The following FBXW7 variants were observed in gnomAD, a reference collection of about 807,000 sequenced individuals.
FBXW7 encodes F-box and WD repeat domain containing 7, also known as F-box/WD repeat-containing protein 7.
FBXW7 carries 11 observed loss-of-function variants against 86.3 expected under a neutral mutation model. The ratio of observed to expected loss-of-function variants is 0.13; its 90% CI spans 0.08 to 0.21. The LOEUF (loss-of-function observed/expected upper bound fraction) is 0.21, where lower values mean the gene tolerates loss of function less well. Among genes scored for constraint, FBXW7 ranks in the 10% least tolerant of loss-of-function variants. The pLI is 1.00. For missense variants in FBXW7, 488 were observed against 847.4 expected (o/e 0.58, Z 5.27); for synonymous variants, 313 against 297.9 (o/e 1.05, Z -0.52).
At chr4:152,483,718 CA>C (rs745561560) in intron 2 of FBXW7, among the ~76,000 whole-genome samples, 3 of 150,064 alleles carry the variant, frequency 2.0e-5, no homozygotes, top group East Asian at 3.9e-4. Context: ...AAACAAAAAA[CA>C]AAAAAAAACC....
In FBXW7 at chr4:152,389,257, A is replaced by G. The variant is rs559933151; in HGVS notation, c.501+22046T>C. Among the ~76,000 whole-genome samples the G allele has an allele frequency of 3.3e-5, 5 of 152,262 alleles. No individual in the cohort carries two copies. In the East Asian group the frequency reaches 9.6e-4, roughly 29 times the overall value. On this transcript the variant is annotated intron_variant, in intron 4 of 13. Transcript: ENST00000281708. ...TCAGAGAACTAATAATAGAACTATC[A>G]TTTGATCCAGCAATCCCACTACTGG...
intron 2 of FBXW7, among the ~76,000 whole-genome samples, chr4:152,458,738 GAACT>G (rs1250297303): frequency 6.6e-6 from 1 of 152,132 alleles, no homozygotes; most frequent in African/African-American, 2.4e-5. Context: ...TATTAAGAGT[GAACT>G]AACTTACTTC....
intron 6 of FBXW7, among the ~76,000 whole-genome samples, chr4:152,342,115 G>T (rs1370072271): frequency 6.6e-6 from 1 of 152,142 alleles, no homozygotes; most frequent in African/African-American, 2.4e-5. Context: ...TTGAAAGGGA[G>T]AGGAAAAACA....
Position 152,322,860 on chromosome 4 carries a change from C to T in FBXW7, c.*21G>A, listed in dbSNP as rs1578865651. On this transcript the variant is annotated 3_prime_UTR_variant, in exon 14 of 14. Coordinates refer to ENST00000281708, the MANE Select transcript of FBXW7 (RefSeq NM_001349798.2). ...GGAGTATATCGTCTACACAATTGGA[C>T]AAATTCATCTTTTCTGCTCTTCACT... 1.2e-6 allele frequency: 2 copies of T among 1,612,136 alleles called. No homozygotes were observed. The highest frequency in any genetic ancestry group is 1.3e-5 in the African/African-American group (1 of 74,908).
chr4:152,454,196 T>A (rs2149615498), intron 2 of FBXW7, among the ~76,000 whole-genome samples: 1 of 151,866 alleles, frequency 6.6e-6, no homozygotes, highest in African/African-American at 2.4e-5. Flanking sequence ...CTACCCTTTG[T>A]ATATAACTAT....
intron 2 of FBXW7, among the ~76,000 whole-genome samples, chr4:152,489,107 A>G (rs1745610932): frequency 6.6e-6 from 1 of 152,100 alleles, no homozygotes; most frequent in African/African-American, 2.4e-5. Context: ...GCACGTATAG[A>G]AACACAGATG....
rs897821723 is a variant in FBXW7 at position 152,410,343 on chromosome 4, G to T, written c.501+960C>A. Reference sequence around the variant, plus strand: ...AAAAGGTCTGAGCCTTAACAAAGTGGTGCTATAGTTGTTAGTGGTAGAGCC... The same window carrying T: ...AAAAGGTCTGAGCCTTAACAAAGTGTTGCTATAGTTGTTAGTGGTAGAGCC... On this transcript the variant is annotated intron_variant, in intron 4 of 13. Transcript: ENST00000281708. Among the ~76,000 whole-genome samples the T allele has an allele frequency of 7.9e-5, 12 of 152,274 alleles. No individual in the cohort carries two copies. The East Asian group carries it at 2.3e-3, about 29-fold the overall frequency.
chr4:152,393,441 A>C (rs559086328), intron 4 of FBXW7, among the ~76,000 whole-genome samples: 14 of 152,278 alleles, frequency 9.2e-5, no homozygotes, highest in African/African-American at 3.4e-4. Context: ...TTTCTTTTCT[A>C]TACCAAGTAA....
intron 2 of FBXW7, among the ~76,000 whole-genome samples, chr4:152,515,444 G>C (rs955840527): frequency 6.6e-6 from 1 of 152,066 alleles, no homozygotes; most frequent in Non-Finnish European, 1.5e-5. Context: ...TTAAAATGGG[G>C]GGAAAAAAGC....
chr4:152,506,014 T>A (rs887621643), intron 2 of FBXW7, among the ~76,000 whole-genome samples: 1 of 152,170 alleles, frequency 6.6e-6, no homozygotes, highest in Non-Finnish European at 1.5e-5. Flanking sequence ...GTGAATTTAT[T>A]TTTTTAAAGT....
At chr4:152,457,931 C>A (rs1445542131) in intron 2 of FBXW7, among the ~76,000 whole-genome samples, 1 of 150,024 alleles carries the variant, frequency 6.7e-6, no homozygotes, top group African/African-American at 2.5e-5. Context: ...TCTTCCCCAC[C>A]CCTACTAAAA....
chr4:152,347,163 G>A (rs1731356319), intron 5 of FBXW7, 92 bp from the exon 6 acceptor site: 1 of 1,046,520 alleles, frequency 9.6e-7, no homozygotes, highest in Non-Finnish European at 1.4e-6. Context: ...ATAGATTCTA[G>A]TACAAAGAAT....
At chr4:152,510,633 C>T (rs1747876767) in intron 2 of FBXW7, among the ~76,000 whole-genome samples, 1 of 152,006 alleles carries the variant, frequency 6.6e-6, no homozygotes, top group Non-Finnish European at 1.5e-5. Context: ...TAACTAAAAA[C>T]ATATTGGGAA....
At chr4:152,341,668 T>G (rs1485987906) in intron 6 of FBXW7, among the ~76,000 whole-genome samples, 1 of 152,214 alleles carries the variant, frequency 6.6e-6, no homozygotes, top group African/African-American at 2.4e-5. Context: ...TTTCTATTCT[T>G]TATATTTGAT....
chr4:152,489,055 T>C (rs1228989924), intron 2 of FBXW7, among the ~76,000 whole-genome samples: 1 of 152,016 alleles, frequency 6.6e-6, no homozygotes, highest in East Asian at 1.9e-4. Context: ...CATGAGACTT[T>C]TGAGGCTAAA....
At chr4:152,420,842 A>G (rs1431082037) in intron 2 of FBXW7, among the ~76,000 whole-genome samples, 4 of 152,160 alleles carry the variant, frequency 2.6e-5, no homozygotes, top group Admixed American at 1.3e-4. Flanking sequence ...TAGATTTAGC[A>G]TAATTCTTAG....
intron 4 of FBXW7, among the ~76,000 whole-genome samples, chr4:152,374,934 G>A (rs1734357585): frequency 1.3e-5 from 2 of 152,194 alleles, no homozygotes; most frequent in East Asian, 1.9e-4. Flanking sequence ...ATTTCCGTAT[G>A]TTAAGGAGGT....
chr4:152,336,883 T>C (rs978279183), intron 7 of FBXW7, among the ~76,000 whole-genome samples: 1 of 152,006 alleles, frequency 6.6e-6, no homozygotes, highest in Non-Finnish European at 1.5e-5. Context: ...ATGATAATCT[T>C]AAAAAAATGA....
rs961011930 is a variant in FBXW7, at chr4:152,320,828, G to A, written c.*2053C>T. 2 of 152,134 alleles carry A rather than the reference G, an allele frequency of 1.3e-5. No homozygotes were observed. Among genetic ancestry groups the A allele is most frequent in the African/African-American group, 4.8e-5 (2 of 41,438 alleles). 9.4% of individuals were successfully genotyped at this position (152,134 alleles called of 1,614,324 possible). A position where few individuals can be genotyped will look rare whatever the true frequency, so the allele number is the denominator to read the frequency against. The stretch of plus-strand genomic sequence containing the variant: ...ATTTTTGCTCGTCTTTAAGATGGGA[G>A]ATAATAGTGCCTACTTCTCAGGGAT... On this transcript the variant is annotated 3_prime_UTR_variant, in exon 14 of 14. Transcript: ENST00000281708.
Sources: gnomAD v4.1 joint callset for allele counts (sites outside exome capture counted in the v4.1 genomes callset) on GRCh38, gnomAD v4.1.1 for gene constraint, MANE v1.5 for transcripts, NCBI Gene and HGNC (gene_info 2026-07-23, HGNC 2026-07-21) for gene names.